The following INSL6 variants were observed in gnomAD, a reference collection of about 807,000 sequenced individuals.
INSL6 encodes insulin like 6.
INSL6 carries 16 observed loss-of-function variants against 9.4 expected under a neutral mutation model. The ratio of observed to expected loss-of-function variants is 1.70; its 90% CI spans 1.15 to 2.59. INSL6 has a LOEUF of 2.59. Ranked by LOEUF, INSL6 falls within the 30% of genes most tolerant of loss-of-function variation. The probability of loss-of-function intolerance (pLI) is 0.00; values close to 1 mark genes in which losing one functional copy is unlikely to be tolerated. For missense variants in INSL6, 391 were observed against 257.3 expected (o/e 1.52, Z -3.56); for synonymous variants, 154 against 96.9 (o/e 1.59, Z -3.46).
chr9:5,019,946 G>A, the INSL6 span, among the ~76,000 whole-genome samples: 1 of 152,204 alleles, frequency 6.6e-6, no homozygotes, highest in Non-Finnish European at 1.5e-5. Context: ...AACCATGCCT[G>A]TACATTAGCC....
chr9:5,031,889 C>G, the INSL6 span, among the ~76,000 whole-genome samples: 1 of 152,202 alleles, frequency 6.6e-6, no homozygotes, highest in Non-Finnish European at 1.5e-5. Context: ...GTTCGTCTCA[C>G]TGGGGAGTGT....
chr9:5,147,979 A>C (rs1451224422), intron 2 of INSL6, among the ~76,000 whole-genome samples: 1 of 151,990 alleles, frequency 6.6e-6, no homozygotes, highest in East Asian at 1.9e-4. Flanking sequence ...TGGATTTTCA[A>C]TTTTCTCAAT....
intron 1 of INSL6, among the ~76,000 whole-genome samples, chr9:5,182,360 T>C (rs914569794): frequency 9.9e-5 from 15 of 151,978 alleles, no homozygotes; most frequent in Non-Finnish European, 2.1e-4. Flanking sequence ...ACAAAAAATA[T>C]ATAATAAACA....
At chr9:5,064,811 A>T in the INSL6 span, 2 of 1,171,662 alleles carry the variant, frequency 1.7e-6, no homozygotes, top group South Asian at 1.8e-5. Flanking sequence ...CATGGAATGA[A>T]GAAAATTTTC....
At chr9:5,165,798 T>C (rs529713291) in intron 1 of INSL6, among the ~76,000 whole-genome samples, 2 of 152,356 alleles carry the variant, frequency 1.3e-5, no homozygotes, top group South Asian at 4.1e-4. Flanking sequence ...AAGGTAATTA[T>C]TTGAAGACTT....
chr9:5,067,750 C>T, the INSL6 span, among the ~76,000 whole-genome samples: 1 of 152,082 alleles, frequency 6.6e-6, no homozygotes, highest in Admixed American at 6.6e-5. Context: ...CTTCAGGAAA[C>T]TTATCTACTG....
chr9:5,081,581 T>A, the INSL6 span: 17 of 597,434 alleles, frequency 2.8e-5, no homozygotes, highest in African/African-American at 2.2e-4. Context: ...AGGCTCCCAT[T>A]AATATAATTG....
downstream of INSL6, among the ~76,000 whole-genome samples, chr9:5,121,577 TCCCAAGA>T (rs1823617900): frequency 6.6e-6 from 1 of 152,106 alleles, no homozygotes; most frequent in Admixed American, 6.5e-5. Flanking sequence ...ATGACTGAAT[TCCCAAGA>T]GATAGTTACA....
intron 1 of INSL6, among the ~76,000 whole-genome samples, chr9:5,176,151 C>G (rs1825304563): frequency 6.6e-6 from 1 of 152,190 alleles, no homozygotes. Context: ...TTGCTACTCC[C>G]TGTATACATC....
exon 4 of INSL6, among the ~76,000 whole-genome samples, chr9:5,123,979 T>TC (rs1414338666): frequency 1.3e-5 from 2 of 151,886 alleles, no homozygotes. Context: ...TAGCATTTTT[T>TC]CATATGCCTC....
At chr9:5,011,850 A>C in the INSL6 span, among the ~76,000 whole-genome samples, 7 of 152,134 alleles carry the variant, frequency 4.6e-5, no homozygotes, top group African/African-American at 7.2e-5. Flanking sequence ...GGTCTATTTC[A>C]GTTTTGCCAT....
chr9:5,165,587 C>G lies in INSL6; in HGVS notation c.290-1322G>C, dbSNP rs182704582. 1.9e-3 allele frequency among the ~76,000 whole-genome samples: 286 copies of G among 152,234 alleles called. 1 individual carries two copies. Among genetic ancestry groups the G allele is most frequent in the African/African-American group, 6.7e-3 (278 of 41,528 alleles). On this transcript the variant is annotated intron_variant, in intron 1 of 1. Transcript: ENST00000381641. ...CTTTGAAGAAATGTCTCTTCAAATC[C>G]TTTGCCCATTTTCAAATTTGATAAT...
chr9:5,045,787 G>A, the INSL6 span, among the ~76,000 whole-genome samples: 10 of 152,116 alleles, frequency 6.6e-5, no homozygotes, highest in African/African-American at 2.4e-4. Context: ...CATTGCATAT[G>A]TATACTGCAT....
the INSL6 span, among the ~76,000 whole-genome samples, chr9:5,040,626 C>T: frequency 1.3e-5 from 2 of 152,244 alleles, no homozygotes; most frequent in Admixed American, 1.3e-4. Context: ...AAGACAATGA[C>T]AACTTAATTT....
the INSL6 span, among the ~76,000 whole-genome samples, chr9:5,058,732 C>A: frequency 1.3e-5 from 2 of 152,172 alleles, no homozygotes; most frequent in African/African-American, 4.8e-5. Context: ...TAGTAGCCAT[C>A]TGATGGGTGT....
At chr9:5,109,532 G>C in the INSL6 span, 5 of 152,160 alleles carry the variant, frequency 3.3e-5, no homozygotes, top group East Asian at 7.7e-4. Flanking sequence ...AGCCCTAATC[G>C]CCTTAATCAC....
chr9:5,112,019 AG>A, the INSL6 span: 1 of 402,822 alleles, frequency 2.5e-6, no homozygotes. Flanking sequence ...AGCCTGGAGC[AG>A]GAGTCCCTGG....
the INSL6 span, chr9:5,085,917 C>T: frequency 1.9e-6 from 2 of 1,037,102 alleles, no homozygotes; most frequent in Non-Finnish European, 3.0e-6. Context: ...CTCATACAGA[C>T]CTTTCAAGTC....
chr9:5,174,276 C>CT (rs1424488672), intron 1 of INSL6, among the ~76,000 whole-genome samples: 1 of 152,190 alleles, frequency 6.6e-6, no homozygotes, highest in Admixed American at 6.5e-5. Flanking sequence ...TGTAACAAAA[C>CT]TCCTTGATAG....
Sources: allele counts gnomAD v4.1 joint callset (sites outside exome capture counted in the v4.1 genomes callset), GRCh38; gene constraint gnomAD v4.1.1; transcripts MANE v1.5; gene names NCBI Gene and HGNC (gene_info 2026-07-23, HGNC 2026-07-21).